MEIKIN: variants seen among roughly 807,000 people sequenced by gnomAD.
MEIKIN encodes meiotic kinetochore factor, also known as meiosis-specific kinetochore protein.
intron 9 of MEIKIN, among the ~76,000 whole-genome samples, chr5:131,856,825 C>T (rs1750201580): frequency 6.6e-6 from 1 of 151,266 alleles, no homozygotes; most frequent in South Asian, 2.1e-4. Flanking sequence ...CCAATCAGTA[C>T]ATATTTATAG....
intron 8 of MEIKIN, among the ~76,000 whole-genome samples, chr5:131,902,290 G>C (rs1751172634): frequency 6.6e-6 from 1 of 152,094 alleles, no homozygotes; most frequent in African/African-American, 2.4e-5. Flanking sequence ...AAAATTAGCT[G>C]GGTATGGTGG....
intron 12 of MEIKIN, among the ~76,000 whole-genome samples, chr5:131,809,704 G>A (rs1378701078): frequency 6.6e-6 from 1 of 151,984 alleles, no homozygotes; most frequent in Non-Finnish European, 1.5e-5. Context: ...TACTCGGGAG[G>A]CTGAGGCAGG....
intron 8 of MEIKIN, among the ~76,000 whole-genome samples, chr5:131,887,112 G>A (rs916080659): frequency 1.3e-5 from 2 of 151,934 alleles, no homozygotes; most frequent in African/African-American, 4.8e-5. Flanking sequence ...ATGGTTTGCT[G>A]AGAATGATGG....
chr5:131,872,444 G>A (rs1259141193), intron 9 of MEIKIN, among the ~76,000 whole-genome samples: 4 of 152,136 alleles, frequency 2.6e-5, no homozygotes, highest in Non-Finnish European at 5.9e-5. Flanking sequence ...GAGAAGTTTA[G>A]AGAAAAAATA....
chr5:131,879,862 G>C (rs1452508198), intron 8 of MEIKIN, among the ~76,000 whole-genome samples: 1 of 152,088 alleles, frequency 6.6e-6, no homozygotes, highest in African/African-American at 2.4e-5. Flanking sequence ...AGTATTTATT[G>C]AGTGTCTGCT....
rs542811642 is a variant in MEIKIN, at chr5:131,864,087, A to G, written c.775-9253T>C. On this transcript the variant is annotated intron_variant, in intron 9 of 12. Transcript: ENST00000442687. The stretch of plus-strand genomic sequence containing the variant: ...AAAGTGCATTTCTTGTAGGCAGCAT[A>G]TAGTTGAATCATGTTTTTTTAATCA... Among the ~76,000 whole-genome samples, 14 of 152,304 alleles carry G rather than the reference A, an allele frequency of 9.2e-5. No homozygotes were observed. The South Asian group carries it at 2.9e-3, about 32-fold the overall frequency.
intron 11 of MEIKIN, among the ~76,000 whole-genome samples, chr5:131,845,472 T>C (rs1454032750): frequency 6.6e-6 from 1 of 151,654 alleles, no homozygotes; most frequent in East Asian, 1.9e-4. Context: ...AAGGAACTGA[T>C]GATAAATGTA....
At chr5:131,923,592 T>G (rs865876968) in intron 5 of MEIKIN, among the ~76,000 whole-genome samples, 1 of 151,916 alleles carries the variant, frequency 6.6e-6, no homozygotes, top group African/African-American at 2.4e-5. Context: ...ATCCTTTTAC[T>G]GAGTTTTCCA....
intron 5 of MEIKIN, among the ~76,000 whole-genome samples, chr5:131,926,116 C>T (rs1751582821): frequency 6.6e-6 from 1 of 152,118 alleles, no homozygotes; most frequent in Non-Finnish European, 1.5e-5. Context: ...CAGCATACTT[C>T]CTGATCTTAG....
chr5:131,861,139 C>G (rs1027397957), intron 9 of MEIKIN, among the ~76,000 whole-genome samples: 5 of 151,844 alleles, frequency 3.3e-5, no homozygotes, highest in African/African-American at 1.2e-4. Flanking sequence ...GCCTGTAATC[C>G]CAGCACTTTG....
chr5:131,826,812 T>C (rs921840445), intron 11 of MEIKIN, among the ~76,000 whole-genome samples: 3 of 152,100 alleles, frequency 2.0e-5, no homozygotes, highest in African/African-American at 7.2e-5. Context: ...ATTGTAAGTT[T>C]CCTAAGGCCT....
At chr5:131,851,130 C>G (rs1750107921) in intron 11 of MEIKIN, 134 bp downstream of exon 11, 1 of 382,058 alleles carries the variant, frequency 2.6e-6, no homozygotes, top group African/African-American at 2.1e-5. Context: ...AGGCAACCCA[C>G]AGAATAGGAG....
intron 12 of MEIKIN, among the ~76,000 whole-genome samples, 190 bp downstream of exon 12, chr5:131,818,550 T>A (rs1270294630): frequency 6.6e-6 from 1 of 152,108 alleles, no homozygotes; most frequent in African/African-American, 2.4e-5. Flanking sequence ...CTATCCAAAG[T>A]GCTGGGATTA....
intron 11 of MEIKIN, among the ~76,000 whole-genome samples, chr5:131,839,148 T>G (rs1749861765): frequency 6.6e-6 from 1 of 152,230 alleles, no homozygotes; most frequent in Non-Finnish European, 1.5e-5. Flanking sequence ...CAATTCCATG[T>G]AATTGTATGG....
intron 11 of MEIKIN, among the ~76,000 whole-genome samples, chr5:131,820,945 CA>C (rs925117250): frequency 6.6e-6 from 1 of 152,022 alleles, no homozygotes; most frequent in African/African-American, 2.4e-5. Context: ...TTTATCTTTT[CA>C]AAATACCAAC....
chr5:131,872,710 G>A (rs1461594378), intron 9 of MEIKIN, among the ~76,000 whole-genome samples: 2 of 152,164 alleles, frequency 1.3e-5, no homozygotes, highest in Admixed American at 6.6e-5. Context: ...ATTCACCAAG[G>A]GTGAAATGAA....
At chr5:131,931,032 C>T (rs570622691) in intron 5 of MEIKIN, among the ~76,000 whole-genome samples, 3 of 152,178 alleles carry the variant, frequency 2.0e-5, no homozygotes, top group Admixed American at 2.0e-4. Context: ...TCTTAATTTT[C>T]CTTGACAATT....
At chr5:131,896,968 T>C (rs961079472) in intron 8 of MEIKIN, among the ~76,000 whole-genome samples, 13 of 152,254 alleles carry the variant, frequency 8.5e-5, no homozygotes, top group African/African-American at 3.1e-4. Context: ...ATGCAGTTTC[T>C]TCCTAGCATC....
intron 12 of MEIKIN, among the ~76,000 whole-genome samples, chr5:131,809,819 C>CAAAAA (rs5871436): frequency 7.7e-6 from 1 of 130,622 alleles, no homozygotes. Flanking sequence ...AACAAACGAA[C>CAAAAA]AAAAAAAAAA....
Sources: allele counts gnomAD v4.1 joint callset (sites outside exome capture counted in the v4.1 genomes callset), GRCh38; gene constraint gnomAD v4.1.1; transcripts MANE v1.5; gene names NCBI Gene and HGNC (gene_info 2026-07-23, HGNC 2026-07-21).